The following DNER variants were observed in gnomAD, a reference collection of about 807,000 sequenced individuals.
The protein encoded by DNER is delta/notch like EGF repeat containing.
A neutral mutation model predicts 78.2 loss-of-function variants in DNER; 33 were observed. The observed-to-expected ratio is 0.42, with a 90% CI of 0.32 to 0.56. The LOEUF (loss-of-function observed/expected upper bound fraction) is 0.56, where lower values mean the gene tolerates loss of function less well. DNER is among the 20% of genes least tolerant of loss of function. DNER has a pLI of 0.11. For synonymous variants in DNER, 417 were observed against 384.8 expected (o/e 1.08, Z -0.98); for missense variants, 918 against 975.3 (o/e 0.94, Z 0.78).
chr2:229,672,541 CAGG>C (rs1271126543), intron 1 of DNER, among the ~76,000 whole-genome samples: 1 of 148,034 alleles, frequency 6.8e-6, no homozygotes, highest in Non-Finnish European at 1.5e-5. Context: ...GAGGAAGAAG[CAGG>C]AGGAGGACTA....
At chr2:229,476,300 C>T (rs1695035037) in intron 7 of DNER, among the ~76,000 whole-genome samples, 1 of 152,166 alleles carries the variant, frequency 6.6e-6, no homozygotes, top group Non-Finnish European at 1.5e-5. Flanking sequence ...CAAGCACTTC[C>T]GTTATCTGGG....
At chr2:229,449,620 C>A (rs1032146549) in intron 7 of DNER, among the ~76,000 whole-genome samples, 5 of 152,088 alleles carry the variant, frequency 3.3e-5, no homozygotes, top group Admixed American at 6.5e-5. Flanking sequence ...AGTGCAGGTT[C>A]TAGGTTAACC....
chr2:229,597,898 G>A (rs77987384), intron 1 of DNER, among the ~76,000 whole-genome samples: 4,660 of 152,274 alleles, frequency 0.031, 217 homozygotes, highest in African/African-American at 0.097. Flanking sequence ...CTGGGGGAAT[G>A]GACTGAGTAA....
rs146666699 is a variant in DNER, at chr2:229,678,354, G to C, written c.276+35794C>G. The stretch of plus-strand genomic sequence containing the variant: ...TGATGGGATTCTACATGCCAGGGTT[G>C]CCAGAGAACCCATGCATCATGAATT... On this transcript the variant is annotated intron_variant, in intron 1 of 12. Transcript: ENST00000341772. Among the ~76,000 whole-genome samples, 819 of 152,296 alleles carry C rather than the reference G, an allele frequency of 5.4e-3. 13 individuals are homozygous for C. Among genetic ancestry groups the C allele is most frequent in the East Asian group, 0.022 (116 of 5,178 alleles).
intron 8 of DNER, among the ~76,000 whole-genome samples, chr2:229,446,105 G>C (rs1694334552): frequency 6.6e-6 from 1 of 152,156 alleles, no homozygotes; most frequent in Non-Finnish European, 1.5e-5. Flanking sequence ...CCCCATTCTG[G>C]GTGTGTAGCC....
At chr2:229,380,013 A>G (rs887688659) in intron 11 of DNER, among the ~76,000 whole-genome samples, 15 of 152,230 alleles carry the variant, frequency 9.9e-5, no homozygotes, top group African/African-American at 3.4e-4. Context: ...TATAACAATT[A>G]CACACTTCAC....
At position 229,695,793 on chromosome 2, in the gene DNER, A is replaced by C. The variant is rs374251285; in HGVS notation, c.276+18355T>G. 5.3e-5 allele frequency among the ~76,000 whole-genome samples: 8 copies of C among 152,286 alleles called. No homozygotes were observed. In the East Asian group the frequency reaches 9.6e-4, roughly 18 times the overall value. Reference sequence around the variant, plus strand: ...AGTAGGGCAGGCCTGGAAGACCCCAAGTTCTGGGAACGGAGGATGAATAGT... The same window carrying C: ...AGTAGGGCAGGCCTGGAAGACCCCACGTTCTGGGAACGGAGGATGAATAGT... On this transcript the variant is annotated intron_variant, in intron 1 of 12. Transcript: ENST00000341772.
At chr2:229,703,393 C>T (rs182804236) in intron 1 of DNER, among the ~76,000 whole-genome samples, 1 of 151,952 alleles carries the variant, frequency 6.6e-6, no homozygotes, top group Non-Finnish European at 1.5e-5. Context: ...TAGAAAGAGA[C>T]GATCTTAAAA....
Position 229,419,088 on chromosome 2 carries a change from T to C in DNER, c.1487-858A>G, listed in dbSNP as rs114324146. 8.1e-3 allele frequency among the ~76,000 whole-genome samples: 1,233 copies of C among 152,294 alleles called. 22 individuals are homozygous for C. The highest frequency in any genetic ancestry group is 0.028 in the African/African-American group (1,183 of 41,572). ...TATTGCTTGTTTAAAGATATGATTATATAAATTATAATATTTTAAATTGTA... is the reference window on the plus strand; with the variant it reads ...TATTGCTTGTTTAAAGATATGATTACATAAATTATAATATTTTAAATTGTA... On this transcript the variant is annotated intron_variant, in intron 8 of 12. Coordinates refer to ENST00000341772, the MANE Select transcript of DNER (RefSeq NM_139072.4).
chr2:229,435,481 C>T (rs1454963460), intron 8 of DNER, among the ~76,000 whole-genome samples: 1 of 152,176 alleles, frequency 6.6e-6, no homozygotes, highest in Non-Finnish European at 1.5e-5. Context: ...CAATGACTAA[C>T]TAATACAAAG....
chr2:229,671,383 T>A (rs1481406024), intron 1 of DNER, among the ~76,000 whole-genome samples: 1 of 152,216 alleles, frequency 6.6e-6, no homozygotes, highest in African/African-American at 2.4e-5. Context: ...CTCTAGCTGC[T>A]TAAAATTCCC....
intron 5 of DNER, among the ~76,000 whole-genome samples, chr2:229,544,045 C>CTTAA (rs61137506): frequency 0.072 from 10,930 of 152,014 alleles, 1,214 homozygotes; most frequent in African/African-American, 0.24. Flanking sequence ...TTTTCCTATA[C>CTTAA]TTAATTCTAA....
chr2:229,499,444 C>CA (rs777417272), intron 6 of DNER, among the ~76,000 whole-genome samples: 7,299 of 74,430 alleles, frequency 0.098, 424 homozygotes, highest in African/African-American at 0.23. Context: ...GACTCCAACT[C>CA]AAAAAAAAAA....
intron 1 of DNER, among the ~76,000 whole-genome samples, chr2:229,623,544 G>A (rs182865139): frequency 1.3e-5 from 2 of 152,332 alleles, no homozygotes; most frequent in African/African-American, 4.8e-5. Context: ...GGGGAGGCCT[G>A]CTACTGGGAG....
chr2:229,363,029 C>T (rs1242520479), intron 12 of DNER, among the ~76,000 whole-genome samples: 1 of 152,196 alleles, frequency 6.6e-6, no homozygotes. Flanking sequence ...TCAGGCACTT[C>T]TAGCTCGTAG....
At chr2:229,407,484 C>T (rs1464006072) in intron 9 of DNER, 139 bp from the exon 10 acceptor site, 10 of 577,624 alleles carry the variant, frequency 1.7e-5, no homozygotes, top group South Asian at 1.6e-4. Flanking sequence ...TGTATACACA[C>T]GTGCCCACTC....
intron 8 of DNER, among the ~76,000 whole-genome samples, chr2:229,420,119 T>C (rs1693735078): frequency 6.6e-6 from 1 of 151,912 alleles, no homozygotes; most frequent in Non-Finnish European, 1.5e-5. Flanking sequence ...AATAAAGTTT[T>C]ATTGGGACAC....
chr2:229,390,613 G>A (rs1295506832), intron 10 of DNER, among the ~76,000 whole-genome samples: 2 of 152,232 alleles, frequency 1.3e-5, no homozygotes, highest in Admixed American at 6.5e-5. Flanking sequence ...ACCTCTTTCT[G>A]TAGACATTTA....
intron 5 of DNER, among the ~76,000 whole-genome samples, chr2:229,535,333 T>C (rs1407396215): frequency 6.6e-6 from 1 of 152,046 alleles, no homozygotes; most frequent in Non-Finnish European, 1.5e-5. Context: ...AGTAGACAAA[T>C]CTTCGAGTCT....
Sources: gnomAD v4.1 joint callset for allele counts (sites outside exome capture counted in the v4.1 genomes callset) on GRCh38, gnomAD v4.1.1 for gene constraint, MANE v1.5 for transcripts, NCBI Gene and HGNC (gene_info 2026-07-23, HGNC 2026-07-21) for gene names.